KANSL1: variants seen among roughly 807,000 people sequenced by gnomAD.
KANSL1 encodes KAT8 regulatory NSL complex subunit 1.
Under a neutral mutation model 103.6 loss-of-function variants are expected in KANSL1, and 22 were observed. The ratio of observed to expected loss-of-function variants is 0.21; its 90% CI spans 0.15 to 0.30. The LOEUF (loss-of-function observed/expected upper bound fraction) is 0.30, where lower values mean the gene tolerates loss of function less well. Ranked by LOEUF, KANSL1 falls within the 10% of genes least tolerant of loss-of-function variation. KANSL1 has a pLI of 1.00. For synonymous variants in KANSL1, 600 were observed against 527.6 expected (o/e 1.14, Z -1.88); for missense variants, 1,337 against 1,399.8 (o/e 0.96, Z 0.72).
intron 1 of KANSL1, among the ~76,000 whole-genome samples, chr17:46,220,463 G>T (rs2458209): frequency 0.18 from 23,787 of 130,974 alleles, no homozygotes; most frequent in African/African-American, 0.36. Context: ...TGATCCGCCC[G>T]CCTCGGCCTC....
chr17:46,162,196 A>G (rs948392386), intron 2 of KANSL1, among the ~76,000 whole-genome samples: 8 of 152,242 alleles, frequency 5.3e-5, no homozygotes, highest in Non-Finnish European at 2.9e-5. Flanking sequence ...AAAATTGGAG[A>G]AAGATAATTC....
At chr17:46,118,632 GACC>G (rs1173912849) in intron 2 of KANSL1, among the ~76,000 whole-genome samples, 1 of 152,220 alleles carries the variant, frequency 6.6e-6, no homozygotes, top group Non-Finnish European at 1.5e-5. Context: ...ATGGTCTAGA[GACC>G]ACATTTTGAT....
intron 7 of KANSL1, among the ~76,000 whole-genome samples, chr17:46,048,052 C>T (rs947288093): frequency 6.6e-6 from 1 of 151,792 alleles, no homozygotes; most frequent in African/African-American, 2.4e-5. Context: ...GGACGACAGG[C>T]GTGTGCCACC....
At chr17:46,156,445 C>G (rs17585214) in intron 2 of KANSL1, among the ~76,000 whole-genome samples, 1 of 152,022 alleles carries the variant, frequency 6.6e-6, no homozygotes, top group African/African-American at 2.4e-5. Context: ...AACTCCTAAC[C>G]CTAGATCCAT....
At position 46,052,964 on chromosome 17, in the gene KANSL1, C is replaced by CAAAAAAAAAAAAAAAAAAA. The variant is rs34473927; in HGVS notation, c.1849-2279_1849-2261dup. Among the ~76,000 whole-genome samples, 12 of 33,000 alleles carry CAAAAAAAAAAAAAAAAAAA rather than the reference C, an allele frequency of 3.6e-4. 1 individual carries two copies. The highest frequency in any genetic ancestry group is 4.7e-4 in the Non-Finnish European group (8 of 17,130). The allele number at this position is 33,000 out of a possible 152,430, so 21.6% of individuals were successfully genotyped here. ...GGGAAAAAGAGTAAGATCCTGTCTC[C>CAAAAAAAAAAAAAAAAAAA]AAAAAAAAAAAAAAAAAAAAAAAAA... is the stretch of plus-strand genomic sequence containing the variant. On this transcript the variant is annotated intron_variant, in intron 6 of 14. Coordinates refer to ENST00000432791, the MANE Select transcript of KANSL1 (RefSeq NM_015443.4).
intron 10 of KANSL1, chr17:46,035,377 C>A (rs17653255): frequency 0.14 from 21,797 of 152,188 alleles, 2,132 homozygotes; most frequent in Non-Finnish European, 0.22. Flanking sequence ...GTGAGATACC[C>A]TTTATTCATC....
chr17:46,159,268 A>G (rs1032082959), intron 2 of KANSL1, among the ~76,000 whole-genome samples: 1 of 152,248 alleles, frequency 6.6e-6, no homozygotes, highest in Non-Finnish European at 1.5e-5. Flanking sequence ...TCTTCCAAAA[A>G]GTACAGTCCT....
chr17:46,135,542 AT>A (rs34258265), intron 2 of KANSL1, among the ~76,000 whole-genome samples: 55,038 of 119,034 alleles, frequency 0.46, 13,863 homozygotes, highest in South Asian at 0.64. Context: ...TCAACTATAC[AT>A]TTTTTTTTTT....
At chr17:46,050,455 C>T in intron 7 of KANSL1, 78 bp downstream of exon 7, 2 of 1,413,752 alleles carry the variant, frequency 1.4e-6, no homozygotes, top group East Asian at 2.4e-5. Flanking sequence ...GTTGTAACTG[C>T]ACCTTGGCTG....
At chr17:46,125,515 T>A (rs149923195) in intron 2 of KANSL1, among the ~76,000 whole-genome samples, 459 of 152,268 alleles carry the variant, frequency 3.0e-3, no homozygotes, top group Admixed American at 5.8e-3. Flanking sequence ...CCCCTAAATC[T>A]AGAGTCTAGA....
chr17:46,122,310 T>C lies in KANSL1; in HGVS notation c.1290-27609A>G, dbSNP rs549967109. ...CTTCGGGATGTCCCCATCTGTTTTC[T>C]AGCCACTAACACAGCCACAAAGCAT... On this transcript the variant is annotated intron_variant, in intron 2 of 14. Transcript: ENST00000432791. 2.5e-4 allele frequency among the ~76,000 whole-genome samples: 38 copies of C among 152,350 alleles called. No individual in the cohort carries two copies. The South Asian group carries it at 6.9e-3, about 27-fold the overall frequency.
chr17:46,126,155 T>C (rs1051232498), intron 2 of KANSL1, among the ~76,000 whole-genome samples: 5 of 151,732 alleles, frequency 3.3e-5, no homozygotes, highest in African/African-American at 1.2e-4. Context: ...ATAAAGCTGC[T>C]GAAAAAGTAA....
rs71138525 is a variant in KANSL1, at chr17:46,096,311, CTTTTTTTTT to C, written c.1290-1619_1290-1611del. Among the ~76,000 whole-genome samples the C allele has an allele frequency of 1.7e-4, 13 of 76,406 alleles. 1 individual carries two copies. Among genetic ancestry groups the C allele is most frequent in the African/African-American group, 4.5e-4 (8 of 17,850 alleles). The allele number at this position is 76,406 out of a possible 152,430, so 50.1% of individuals were successfully genotyped here. Reference sequence around the variant, plus strand: ...CATACTACATACCTGGCTTTTTTTTCTTTTTTTTTTTTTTTTTTTTTGAGATGGAGTTTC... The same window carrying C: ...CATACTACATACCTGGCTTTTTTTTCTTTTTTTTTTTTGAGATGGAGTTTC... On this transcript the variant is annotated intron_variant, in intron 2 of 14. Coordinates refer to ENST00000432791, the MANE Select transcript of KANSL1 (RefSeq NM_015443.4).
At chr17:46,203,454 A>AC (rs1461641679) in intron 1 of KANSL1, among the ~76,000 whole-genome samples, 1 of 152,242 alleles carries the variant, frequency 6.6e-6, no homozygotes, top group Non-Finnish European at 1.5e-5. Flanking sequence ...TAAAAGCCCT[A>AC]CCATTAATAC....
chr17:46,160,460 T>C (rs1347768001), intron 2 of KANSL1, among the ~76,000 whole-genome samples: 2 of 152,154 alleles, frequency 1.3e-5, no homozygotes, highest in African/African-American at 4.8e-5. Context: ...CCACCACGCC[T>C]GGCTACTTTT....
chr17:46,108,559 C>T (rs922558738), intron 2 of KANSL1, among the ~76,000 whole-genome samples: 8 of 152,060 alleles, frequency 5.3e-5, no homozygotes, highest in African/African-American at 1.9e-4. Flanking sequence ...GAATCATATC[C>T]GGAAAACAGA....
chr17:46,139,736 G>A (rs2147352616), intron 2 of KANSL1, among the ~76,000 whole-genome samples: 1 of 152,258 alleles, frequency 6.6e-6, no homozygotes, highest in South Asian at 2.1e-4. Context: ...CTAACTGATT[G>A]TTAGTTTCCG....
At chr17:46,107,856 T>G (rs2042636629) in intron 2 of KANSL1, among the ~76,000 whole-genome samples, 2 of 152,186 alleles carry the variant, frequency 1.3e-5, no homozygotes, top group South Asian at 2.1e-4. Flanking sequence ...AAAACCTCCA[T>G]GTAATCCTTA....
chr17:46,051,071 G>A (rs995841016), intron 6 of KANSL1, among the ~76,000 whole-genome samples: 4 of 152,282 alleles, frequency 2.6e-5, no homozygotes, highest in East Asian at 1.9e-4. Context: ...TTGATGGTCC[G>A]CTAAGACGAA....
Sources: allele counts gnomAD v4.1 joint callset (sites outside exome capture counted in the v4.1 genomes callset), GRCh38; gene constraint gnomAD v4.1.1; transcripts MANE v1.5; gene names NCBI Gene and HGNC (gene_info 2026-07-23, HGNC 2026-07-21).